Variants in BCL2L1 observed in about 807,000 individuals in gnomAD.
The protein encoded by BCL2L1 is bcl-2-like protein 1.
A neutral mutation model predicts 18.7 loss-of-function variants in BCL2L1; 1 was observed. That is an observed-to-expected ratio of 0.05 (90% CI 0.02 to 0.25). BCL2L1 has a LOEUF of 0.25. Among genes scored for constraint, BCL2L1 ranks in the 10% least tolerant of loss-of-function variants. The pLI, the probability that BCL2L1 is intolerant of heterozygous loss-of-function variation, is 1.00. For missense variants in BCL2L1, 207 were observed against 304.9 expected (o/e 0.68, Z 2.39); for synonymous variants, 103 against 122.7 (o/e 0.84, Z 1.06).
intron 2 of BCL2L1, among the ~76,000 whole-genome samples, chr20:31,690,778 T>C (rs565137542): frequency 3.3e-5 from 5 of 152,032 alleles, no homozygotes; most frequent in African/African-American, 1.2e-4. Context: ...TGAGAATCAA[T>C]TGAAAAGTTA....
intron 2 of BCL2L1, among the ~76,000 whole-genome samples, chr20:31,704,944 C>G (rs1007666433): frequency 1.3e-5 from 2 of 152,136 alleles, no homozygotes; most frequent in Non-Finnish European, 2.9e-5. Context: ...TCTGGGGGTG[C>G]AAGGTGATTA....
chr20:31,713,954 C>A (rs2061488875), intron 2 of BCL2L1, among the ~76,000 whole-genome samples: 2 of 152,316 alleles, frequency 1.3e-5, no homozygotes, highest in South Asian at 4.1e-4. Flanking sequence ...AGATGTCATC[C>A]TTCCTGCTCA....
intron 2 of BCL2L1, among the ~76,000 whole-genome samples, chr20:31,710,457 A>G (rs1399631710): frequency 6.6e-6 from 1 of 152,224 alleles, no homozygotes; most frequent in Non-Finnish European, 1.5e-5. Flanking sequence ...AATTGTACAA[A>G]GCTACGGTGC....
chr20:31,685,174 G>A (rs1470083823), intron 2 of BCL2L1, among the ~76,000 whole-genome samples: 5 of 151,786 alleles, frequency 3.3e-5, no homozygotes, highest in Non-Finnish European at 7.4e-5. Context: ...AAGCCGAGGT[G>A]GGTGGATCAC....
rs554830717 is a variant in BCL2L1, at chr20:31,707,437, C to T, written c.564+14218G>A. On this transcript the variant is annotated intron_variant, in intron 2 of 2. Transcript: ENST00000307677. The stretch of plus-strand genomic sequence containing the variant: ...TATATGCTGGGCTCCTTGGTAAGTG[C>T]TCCATGTATCTTTTCAACTATTTTC... 9.2e-5 allele frequency among the ~76,000 whole-genome samples: 14 copies of T among 152,270 alleles called. No homozygotes were observed. The East Asian group carries it at 2.7e-3, about 29-fold the overall frequency.
chr20:31,664,629 C>G lies in BCL2L1; in HGVS notation c.*1320G>C. 4.7e-6 allele frequency: 1 copy of G among 213,832 alleles called. No homozygotes were observed. 13.2% of individuals were successfully genotyped at this position (213,832 alleles called of 1,614,324 possible). A position where few individuals can be genotyped will look rare whatever the true frequency, so the allele number is the denominator to read the frequency against. ...CAGGGCAGGGGAGGGAGCATCAGGC[C>G]GTCCAATCTCCGGGCACCAGCTCTC... On this transcript the variant is annotated 3_prime_UTR_variant, in exon 3 of 3. Transcript: ENST00000307677.
At chr20:31,723,662 G>T, upstream of BCL2L1, 1 of 985,572 alleles carries the variant, frequency 1.0e-6, no homozygotes, top group Non-Finnish European at 1.2e-6. Flanking sequence ...AGCCCAGCCG[G>T]CACGGAAGCG....
At chr20:31,701,284 C>T (rs1366674185) in intron 2 of BCL2L1, among the ~76,000 whole-genome samples, 2 of 152,142 alleles carry the variant, frequency 1.3e-5, no homozygotes, top group Non-Finnish European at 2.9e-5. Flanking sequence ...GATCTCCTGA[C>T]CTCATGATCT....
At chr20:31,689,054 G>A (rs1036194248) in intron 2 of BCL2L1, among the ~76,000 whole-genome samples, 1 of 151,314 alleles carries the variant, frequency 6.6e-6, no homozygotes, top group Admixed American at 6.6e-5. Context: ...GTCTGTCCAG[G>A]TAAAATAATA....
At chr20:31,677,208 GTC>G (rs1180548335) in intron 2 of BCL2L1, among the ~76,000 whole-genome samples, 18 of 143,626 alleles carry the variant, frequency 1.3e-4, no homozygotes, top group African/African-American at 4.3e-4. Context: ...TTGAGACAGA[GTC>G]TCACTCTGTC....
chr20:31,692,536 G>C (rs1359353253), intron 2 of BCL2L1, among the ~76,000 whole-genome samples: 2 of 152,202 alleles, frequency 1.3e-5, no homozygotes, highest in African/African-American at 4.8e-5. Flanking sequence ...AGCACTTTGG[G>C]AGGCTGAGGC....
At chr20:31,703,370 G>A (rs2061315031) in intron 2 of BCL2L1, among the ~76,000 whole-genome samples, 1 of 152,052 alleles carries the variant, frequency 6.6e-6, no homozygotes, top group Non-Finnish European at 1.5e-5. Flanking sequence ...GTAGAGACGG[G>A]GTTGCATCAT....
chr20:31,713,398 G>T, intron 2 of BCL2L1: 2 of 985,400 alleles, frequency 2.0e-6, no homozygotes, highest in Non-Finnish European at 2.4e-6. Flanking sequence ...GTAGTTTTTG[G>T]GGGGCGGACC....
chr20:31,679,568 A>C (rs2060822321), intron 2 of BCL2L1, among the ~76,000 whole-genome samples: 1 of 152,216 alleles, frequency 6.6e-6, no homozygotes, highest in African/African-American at 2.4e-5. Flanking sequence ...AAATGAAAAC[A>C]GCTGTACTTA....
At chr20:31,673,406 A>G (rs1295426029) in intron 2 of BCL2L1, among the ~76,000 whole-genome samples, 1 of 151,342 alleles carries the variant, frequency 6.6e-6, no homozygotes, top group African/African-American at 2.4e-5. Flanking sequence ...ATACTTTAGG[A>G]GCTGAGGCAG....
chr20:31,721,475 G>A (rs2061628940), intron 2 of BCL2L1, 180 bp downstream of exon 2: 1 of 696,768 alleles, frequency 1.4e-6, no homozygotes, highest in Non-Finnish European at 2.3e-6. Flanking sequence ...TGAAGCACAG[G>A]GTCATTTGTA....
intron 2 of BCL2L1, among the ~76,000 whole-genome samples, chr20:31,717,576 T>C (rs2061556904): frequency 6.6e-6 from 1 of 152,208 alleles, no homozygotes; most frequent in South Asian, 2.1e-4. Flanking sequence ...CTACTTAATT[T>C]TGGGACCCGA....
intron 2 of BCL2L1, among the ~76,000 whole-genome samples, chr20:31,708,019 G>C (rs1331924689): frequency 6.6e-6 from 1 of 152,184 alleles, no homozygotes. Flanking sequence ...CTGCCTGAGA[G>C]AGTGGGGGGC....
chr20:31,685,229 C>A (rs1454426187), intron 2 of BCL2L1, among the ~76,000 whole-genome samples: 3 of 151,694 alleles, frequency 2.0e-5, no homozygotes, highest in Admixed American at 6.6e-5. Flanking sequence ...GGTGAAACCC[C>A]GTCTACTAAA....
Sources: gnomAD v4.1 joint callset for allele counts (sites outside exome capture counted in the v4.1 genomes callset) on GRCh38, gnomAD v4.1.1 for gene constraint, MANE v1.5 for transcripts, NCBI Gene and HGNC (gene_info 2026-07-23, HGNC 2026-07-21) for gene names.